The following GALNT13 variants were observed in gnomAD, a reference collection of about 807,000 sequenced individuals.
GALNT13 encodes the protein UDP-GalNAc:polypeptide N-acetylgalactosaminyltransferase 13.
Under a neutral mutation model 64.2 loss-of-function variants are expected in GALNT13, and 28 were observed. That is an observed-to-expected ratio of 0.44 (90% CI 0.32 to 0.60). The LOEUF (loss-of-function observed/expected upper bound fraction) is 0.60, where lower values mean the gene tolerates loss of function less well. Among genes scored for constraint, GALNT13 ranks in the 20% least tolerant of loss-of-function variants. The pLI is 0.05. For synonymous variants in GALNT13, 214 were observed against 224.6 expected (o/e 0.95, Z 0.42); for missense variants, 577 against 669.8 (o/e 0.86, Z 1.53).
chr2:154,424,602 A>T (rs530988062), intron 11 of GALNT13, among the ~76,000 whole-genome samples: 2 of 151,964 alleles, frequency 1.3e-5, no homozygotes, highest in East Asian at 3.9e-4. Flanking sequence ...AGCTCACCTC[A>T]AGCAAAAGCT....
At chr2:153,084,472 C>A in the GALNT13 span, among the ~76,000 whole-genome samples, 603 of 152,176 alleles carry the variant, frequency 4.0e-3, 1 homozygote, top group Admixed American at 0.01. Flanking sequence ...TAGGTATAGT[C>A]CTGATATGGT....
At chr2:154,434,418 C>T (rs973753896) in intron 11 of GALNT13, among the ~76,000 whole-genome samples, 4 of 152,146 alleles carry the variant, frequency 2.6e-5, no homozygotes, top group Admixed American at 6.5e-5. Flanking sequence ...CACCACCACA[C>T]CCTGCTAATT....
At chr2:154,146,983 G>A (rs534446952) in intron 4 of GALNT13, among the ~76,000 whole-genome samples, 75 of 152,144 alleles carry the variant, frequency 4.9e-4, no homozygotes, top group Non-Finnish European at 9.3e-4. Context: ...CAAATAAAAT[G>A]TGTATGCCTT....
the GALNT13 span, among the ~76,000 whole-genome samples, chr2:153,860,119 C>A: frequency 6.6e-6 from 1 of 152,112 alleles, no homozygotes; most frequent in Non-Finnish European, 1.5e-5. Context: ...AAGTTACTTT[C>A]AAATACATGA....
At chr2:153,628,559 T>A in the GALNT13 span, among the ~76,000 whole-genome samples, 1 of 151,828 alleles carries the variant, frequency 6.6e-6, no homozygotes, top group Non-Finnish European at 1.5e-5. Flanking sequence ...GCATGAAGGG[T>A]TGTTGAATTT....
In GALNT13 at chr2:154,025,994, A is replaced by G. The variant is rs543383394; in HGVS notation, c.142+81355A>G. On this transcript the variant is annotated intron_variant, in intron 3 of 12. Transcript: ENST00000392825. ...GAAGGGGAGTGAAGGCTTACTTGCC[A>G]TTATATAAGGAATGGGTATCACTGA... is the stretch of plus-strand genomic sequence containing the variant. Among the ~76,000 whole-genome samples the G allele has an allele frequency of 9.9e-5, 15 of 152,278 alleles. 1 individual carries two copies. In the South Asian group the frequency reaches 2.9e-3, roughly 29 times the overall value.
At chr2:154,221,738 G>A (rs1474069831) in intron 4 of GALNT13, among the ~76,000 whole-genome samples, 1 of 152,018 alleles carries the variant, frequency 6.6e-6, no homozygotes, top group African/African-American at 2.4e-5. Flanking sequence ...TTCTGACATG[G>A]AAATTCTCTT....
intron 4 of GALNT13, chr2:154,236,084 T>C (rs1475236409): frequency 8.3e-7 from 1 of 1,211,598 alleles, no homozygotes; most frequent in African/African-American, 1.6e-5. Flanking sequence ...TACATCCAGA[T>C]GACAGAAGAG....
intron 3 of GALNT13, among the ~76,000 whole-genome samples, chr2:154,066,410 A>G (rs934060308): frequency 2.0e-5 from 3 of 152,106 alleles, no homozygotes; most frequent in African/African-American, 7.2e-5. Context: ...TTAGCCCCAA[A>G]AAGACTACCT....
chr2:153,260,932 C>G, the GALNT13 span, among the ~76,000 whole-genome samples: 4 of 151,976 alleles, frequency 2.6e-5, no homozygotes, highest in Non-Finnish European at 5.9e-5. Flanking sequence ...TTTCAAATAG[C>G]CTGTCTACAA....
the GALNT13 span, among the ~76,000 whole-genome samples, chr2:153,630,805 ATATTT>A: frequency 2.3e-3 from 35 of 14,994 alleles, no homozygotes; most frequent in South Asian, 3.4e-3. Flanking sequence ...ATATATATAT[ATATTT>A]TTTTTTTTTT....
intron 9 of GALNT13, among the ~76,000 whole-genome samples, chr2:154,392,734 G>T (rs1339675770): frequency 6.6e-6 from 1 of 152,120 alleles, no homozygotes; most frequent in Non-Finnish European, 1.5e-5. Flanking sequence ...TTTGGTCAGG[G>T]GAGTAACATG....
intron 1 of GALNT13, among the ~76,000 whole-genome samples, chr2:153,898,975 G>C (rs1688057445): frequency 6.6e-6 from 1 of 152,000 alleles, no homozygotes; most frequent in African/African-American, 2.4e-5. Flanking sequence ...GTAGGAAGTA[G>C]ATGAGGGGCA....
chr2:154,328,807 A>C (rs1695013946), intron 9 of GALNT13, among the ~76,000 whole-genome samples: 1 of 152,170 alleles, frequency 6.6e-6, no homozygotes, highest in African/African-American at 2.4e-5. Flanking sequence ...CTCAGGCTTT[A>C]AAAGTGTAAT....
the GALNT13 span, among the ~76,000 whole-genome samples, chr2:153,147,245 A>G: frequency 6.6e-6 from 1 of 151,866 alleles, no homozygotes; most frequent in Non-Finnish European, 1.5e-5. Context: ...CTGGAGCCCT[A>G]TGTACAGGTA....
the GALNT13 span, among the ~76,000 whole-genome samples, chr2:153,516,288 G>C: frequency 6.6e-6 from 1 of 152,116 alleles, no homozygotes; most frequent in African/African-American, 2.4e-5. Context: ...AAAGTCCTCA[G>C]TAAACAAACA....
At chr2:153,278,381 TTTG>T in the GALNT13 span, among the ~76,000 whole-genome samples, 1 of 152,156 alleles carries the variant, frequency 6.6e-6, no homozygotes, top group African/African-American at 2.4e-5. Flanking sequence ...CATTTTTGGT[TTTG>T]TTGCAATTGC....
At chr2:153,398,192 G>A in the GALNT13 span, among the ~76,000 whole-genome samples, 5 of 151,450 alleles carry the variant, frequency 3.3e-5, no homozygotes, top group African/African-American at 7.3e-5. Context: ...TTGTTCTTGC[G>A]ATAGTTTACT....
At chr2:154,383,296 T>G (rs1698361867) in intron 9 of GALNT13, among the ~76,000 whole-genome samples, 1 of 151,962 alleles carries the variant, frequency 6.6e-6, no homozygotes, top group Non-Finnish European at 1.5e-5. Context: ...GTTTTATATG[T>G]TAACTCATTT....
Sources: gnomAD v4.1 joint callset for allele counts (sites outside exome capture counted in the v4.1 genomes callset) on GRCh38, gnomAD v4.1.1 for gene constraint, MANE v1.5 for transcripts, NCBI Gene and HGNC (gene_info 2026-07-23, HGNC 2026-07-21) for gene names.